SIPA1L3: variants seen among roughly 807,000 people sequenced by gnomAD.
The protein encoded by SIPA1L3 is signal-induced proliferation-associated 1-like protein 3.
In SIPA1L3, 59 loss-of-function variants were observed where a neutral mutation model predicts 150.1. The observed-to-expected ratio is 0.39, with a 90% CI of 0.32 to 0.49. SIPA1L3 has a LOEUF of 0.49. Among genes scored for constraint, SIPA1L3 ranks in the 20% least tolerant of loss-of-function variants. The pLI is 0.86. For synonymous variants in SIPA1L3, 1,070 were observed against 1,077.6 expected (o/e 0.99, Z 0.14); for missense variants, 2,211 against 2,489.5 (o/e 0.89, Z 2.38).
chr19:37,921,698 T>C (rs2046459027), intron 1 of SIPA1L3, among the ~76,000 whole-genome samples: 1 of 151,754 alleles, frequency 6.6e-6, no homozygotes, highest in African/African-American at 2.4e-5. Flanking sequence ...ACTCCTGGGC[T>C]CAAGTGATCC....
At chr19:37,922,778 TCTCA>T (rs2046468171) in intron 1 of SIPA1L3, among the ~76,000 whole-genome samples, 1 of 151,826 alleles carries the variant, frequency 6.6e-6, no homozygotes, top group Non-Finnish European at 1.5e-5. Context: ...AGACAAGGGT[TCTCA>T]CCCTTCTGGG....
Position 38,081,465 on chromosome 19 carries a change from A to T in SIPA1L3, c.-101A>T. The T allele has an allele frequency of 8.5e-7, 1 of 1,174,750 alleles. No individual in the cohort carries two copies. The highest frequency in any genetic ancestry group is 1.2e-6 in the Non-Finnish European group (1 of 840,848). 72.8% of individuals were successfully genotyped at this position (1,174,750 alleles called of 1,614,324 possible). A position where few individuals can be genotyped will look rare whatever the true frequency, so the allele number is the denominator to read the frequency against. On this transcript the variant is annotated 5_prime_UTR_variant, in exon 3 of 22. Coordinates refer to ENST00000222345, the MANE Select transcript of SIPA1L3 (RefSeq NM_015073.3). ...CAGGTTTCAGGGCCCAGCATCCTTC[A>T]TCCTGGGCCTGGCTGCCCTGAACAA...
Position 38,008,429 on chromosome 19 carries a change from A to G in SIPA1L3, c.-378-20660A>G, listed in dbSNP as rs143615413. Among the ~76,000 whole-genome samples, 481 of 151,746 alleles carry G rather than the reference A, an allele frequency of 3.2e-3. 2 individuals are homozygous for G. Among genetic ancestry groups the G allele is most frequent in the African/African-American group, 0.011 (448 of 41,374 alleles). ...TTTTTAGTAGAGACACGGTTTCACCATATTGGTCAGGCTGGTCTTGAACTC... is the reference window on the plus strand; with the variant it reads ...TTTTTAGTAGAGACACGGTTTCACCGTATTGGTCAGGCTGGTCTTGAACTC... On this transcript the variant is annotated intron_variant, in intron 1 of 21. Coordinates refer to ENST00000222345, the MANE Select transcript of SIPA1L3 (RefSeq NM_015073.3).
At position 38,081,576 on chromosome 19, in the gene SIPA1L3, A is replaced by G. The variant is rs747115678; in HGVS notation, c.11A>G (p.Tyr4Cys). MTT[Y>C]RAIPSDGVDL... is the part of the protein sequence containing the mutation. ...CAGTGCCCGTGGACTATGACCACCT[A>G]TCGGGCCATCCCCAGCGATGGTGTG... Residue 4 changes from tyrosine (Y) to cysteine (C), a missense_variant, in exon 3 of 22, where the codon TAT (tyrosine) becomes TGT (cysteine). Coordinates refer to ENST00000222345, the MANE Select transcript of SIPA1L3 (RefSeq NM_015073.3). The G allele has an allele frequency of 1.9e-6, 3 of 1,586,480 alleles. No individual in the cohort carries two copies. The highest frequency in any genetic ancestry group is 1.3e-5 in the African/African-American group (1 of 74,448).
chr19:38,040,710 C>G (rs553352657), intron 2 of SIPA1L3, among the ~76,000 whole-genome samples: 25 of 152,304 alleles, frequency 1.6e-4, no homozygotes, highest in African/African-American at 5.8e-4. Context: ...TTAAGAGTTT[C>G]AACTGAAGTA....
chr19:37,980,320 T>C (rs1967172027), intron 1 of SIPA1L3, among the ~76,000 whole-genome samples: 1 of 152,154 alleles, frequency 6.6e-6, no homozygotes, highest in African/African-American at 2.4e-5. Context: ...AATATGAATA[T>C]ATATTTTTGT....
At chr19:38,104,304 T>C (rs1294859070) in intron 6 of SIPA1L3, among the ~76,000 whole-genome samples, 1 of 152,244 alleles carries the variant, frequency 6.6e-6, no homozygotes, top group Non-Finnish European at 1.5e-5. Context: ...TTTGCTAGTT[T>C]CGTGATCTTG....
At chr19:38,149,728 C>T (rs563979556) in intron 12 of SIPA1L3, among the ~76,000 whole-genome samples, 1 of 152,260 alleles carries the variant, frequency 6.6e-6, no homozygotes, top group Admixed American at 6.5e-5. Flanking sequence ...AGCTTCGAGG[C>T]TGGAAGTTAT....
chr19:38,017,432 TC>T (rs1403137352), intron 1 of SIPA1L3, among the ~76,000 whole-genome samples: 2 of 152,128 alleles, frequency 1.3e-5, no homozygotes, highest in South Asian at 4.2e-4. Context: ...GCCTGTTTGT[TC>T]CTGAGCCTAA....
chr19:38,178,383 C>A (rs1208704008), intron 15 of SIPA1L3, among the ~76,000 whole-genome samples: 1 of 151,900 alleles, frequency 6.6e-6, no homozygotes, highest in Non-Finnish European at 1.5e-5. Flanking sequence ...AGTTCTCCCA[C>A]CTAAGCCTCC....
intron 8 of SIPA1L3, 120 bp downstream of exon 8, chr19:38,110,504 G>A: frequency 2.7e-6 from 2 of 742,350 alleles, no homozygotes; most frequent in Non-Finnish European, 4.4e-6. Context: ...GAAGAGCTCG[G>A]CGTATACTCC....
In SIPA1L3 at chr19:38,082,811, G is replaced by A. The variant is rs753596470; in HGVS notation, c.1246G>A (p.Gly416Ser). 6 of 1,613,510 alleles carry A rather than the reference G, an allele frequency of 3.7e-6. No homozygotes were observed. Among genetic ancestry groups the A allele is most frequent in the Admixed American group, 3.3e-5 (2 of 60,002 alleles). Residue 416 changes from glycine (G) to serine (S), a missense_variant, in exon 3 of 22, where the codon GGC becomes AGC. By Grantham distance (56) the Gly-to-Ser change is moderately conservative. Around this residue, in one of 5 missense-constraint regions of SIPA1L3, gnomAD observed 587 missense variants for 534.5 expected, o/e 1.10. Transcript: ENST00000222345. ...CAAGGAGAACTTGGAGCAGGACCTC[G>A]GCGATGACAACAGCAACGACCTGCT... ...NCKENLEQDLGDDNSNDLLLS... is the reference protein window; with the variant it reads ...NCKENLEQDLSDDNSNDLLLS...
chr19:38,131,198 CA>C (rs1485970513), intron 10 of SIPA1L3, among the ~76,000 whole-genome samples: 1 of 152,158 alleles, frequency 6.6e-6, no homozygotes, highest in Non-Finnish European at 1.5e-5. Flanking sequence ...TTGTGTTCTA[CA>C]GGGAAAGACA....
rs1211787794 is a variant in SIPA1L3, at chr19:37,951,657, G to C, written c.-379+44299G>C. Among the ~76,000 whole-genome samples, 3 of 152,046 alleles carry C rather than the reference G, an allele frequency of 2.0e-5. No homozygotes were observed. The South Asian group carries it at 6.2e-4, about 32-fold the overall frequency. ...CTCACACCTGTAATCCCAGCACTTT[G>C]GGAGGCTGAGGTGGGCGGATCACGA... is the stretch of plus-strand genomic sequence containing the variant. On this transcript the variant is annotated intron_variant, in intron 1 of 21. Coordinates refer to ENST00000222345, the MANE Select transcript of SIPA1L3 (RefSeq NM_015073.3).
At chr19:38,176,515 G>A (rs1441349715) in intron 15 of SIPA1L3, among the ~76,000 whole-genome samples, 3 of 152,008 alleles carry the variant, frequency 2.0e-5, no homozygotes, top group Non-Finnish European at 4.4e-5. Flanking sequence ...TCCCACCTCA[G>A]CGTCCCAAGT....
At chr19:38,198,971 GA>G (rs372941004) in intron 19 of SIPA1L3, among the ~76,000 whole-genome samples, 36 of 150,200 alleles carry the variant, frequency 2.4e-4, no homozygotes, top group Admixed American at 7.9e-4. Context: ...GTGTCTGGGG[GA>G]AAAAAAAAAT....
At chr19:38,101,881 A>G (rs1049147988) in intron 6 of SIPA1L3, among the ~76,000 whole-genome samples, 3 of 152,206 alleles carry the variant, frequency 2.0e-5, no homozygotes, top group Admixed American at 6.5e-5. Context: ...CACCCAGTGC[A>G]CACTGGCAGA....
chr19:37,998,979 TCACA>T (rs35998048), intron 1 of SIPA1L3, among the ~76,000 whole-genome samples: 56,735 of 145,738 alleles, frequency 0.39, 11,430 homozygotes, highest in East Asian at 0.71. Flanking sequence ...GCCCTATCTA[TCACA>T]CACACACACA....
chr19:38,118,983 C>T (rs1007791873), intron 8 of SIPA1L3, among the ~76,000 whole-genome samples: 2 of 152,048 alleles, frequency 1.3e-5, no homozygotes, highest in Non-Finnish European at 2.9e-5. Flanking sequence ...TGGCTTGAGC[C>T]CAGGAGTTTG....
Sources: allele counts gnomAD v4.1 joint callset (sites outside exome capture counted in the v4.1 genomes callset), GRCh38; gene constraint gnomAD v4.1.1; regional missense constraint gnomAD v4.1.1; transcripts MANE v1.5; gene names NCBI Gene and HGNC (gene_info 2026-07-23, HGNC 2026-07-21).